The following TECPR2 variants were observed in gnomAD, a reference collection of about 807,000 sequenced individuals.
The protein encoded by TECPR2 is tectonin beta-propeller repeat containing 2.
Under a neutral mutation model 138.1 loss-of-function variants are expected in TECPR2, and 65 were observed. That is an observed-to-expected ratio of 0.47 (90% confidence interval 0.39 to 0.58). The LOEUF is 0.58. TECPR2 is among the 20% of genes least tolerant of loss of function. The pLI is 0.00. For missense variants in TECPR2, 1,553 were observed against 1,824.5 expected (o/e 0.85, Z 2.71); for synonymous variants, 746 against 749.8 (o/e 0.99, Z 0.08).
At chr14:102,492,563 T>A (rs1891181996) in intron 17 of TECPR2, among the ~76,000 whole-genome samples, 1 of 152,236 alleles carries the variant, frequency 6.6e-6, no homozygotes, top group African/African-American at 2.4e-5. Flanking sequence ...CGCAGAATGT[T>A]TCTGAGGGAA....
At chr14:102,479,195 C>G (rs1160471582) in intron 17 of TECPR2, among the ~76,000 whole-genome samples, 1 of 152,114 alleles carries the variant, frequency 6.6e-6, no homozygotes, top group Non-Finnish European at 1.5e-5. Context: ...AGTGTTTGAA[C>G]TTGGACTTGA....
At position 102,443,024 on chromosome 14, in the gene TECPR2, AT is replaced by A. The variant is rs1231912300; in HGVS notation, c.2753-619del. ...TTTCATCTGGGAAATTCGGGGTTTC[AT>A]TTTATTAGTGGAACCTCGCACCCAG... On this transcript the variant is annotated intron_variant, in intron 11 of 19. Transcript: ENST00000359520. This position sits in a 1 kb window ranked among gnomAD's most constrained non-coding sequence, Gnocchi z 4.9. Among the ~76,000 whole-genome samples, 1 of 152,216 alleles carries A rather than the reference AT, an allele frequency of 6.6e-6. No homozygotes were observed. The highest frequency in any genetic ancestry group is 1.9e-4 in the East Asian group (1 of 5,196).
chr14:102,417,097 A>G (rs1163069880), intron 5 of TECPR2, among the ~76,000 whole-genome samples: 1 of 152,230 alleles, frequency 6.6e-6, no homozygotes, highest in Non-Finnish European at 1.5e-5. Context: ...TCAAGTCTTT[A>G]GGGAACATTG....
intron 7 of TECPR2, among the ~76,000 whole-genome samples, chr14:102,431,417 A>C (rs1889471226): frequency 7.1e-6 from 1 of 140,698 alleles, no homozygotes; most frequent in Non-Finnish European, 1.5e-5. Flanking sequence ...ATCTCGGCTC[A>C]CTGCAAGCTT....
Position 102,365,507 on chromosome 14 carries a change from G to GA in TECPR2, c.-73+2391_-73+2392insA, listed in dbSNP as rs138431959. ...CTGATGGATGCACAAACAAAACGTG[G>GA]CCTGTCTACACAATGGAAGGCTGTT... On this transcript the variant is annotated intron_variant, in intron 1 of 19. Coordinates refer to ENST00000359520, the MANE Select transcript of TECPR2 (RefSeq NM_014844.5). 2.3e-3 allele frequency among the ~76,000 whole-genome samples: 347 copies of GA among 152,278 alleles called. 12 individuals are homozygous for GA. The East Asian group carries it at 0.047, about 21-fold the overall frequency.
intron 17 of TECPR2, among the ~76,000 whole-genome samples, chr14:102,480,783 G>A (rs1280990037): frequency 1.3e-5 from 2 of 150,804 alleles, no homozygotes; most frequent in African/African-American, 4.9e-5. Flanking sequence ...GCCTCCCAAA[G>A]TGCTGGGATT....
chr14:102,409,153 G>A (rs1051372714), intron 4 of TECPR2, among the ~76,000 whole-genome samples: 2 of 152,130 alleles, frequency 1.3e-5, no homozygotes, highest in African/African-American at 4.8e-5. Flanking sequence ...TTCGACGCCC[G>A]TGCCTTTTCC....
intron 16 of TECPR2, among the ~76,000 whole-genome samples, chr14:102,460,496 C>T (rs1020185407): frequency 5.3e-5 from 8 of 151,354 alleles, no homozygotes; most frequent in South Asian, 4.2e-4. Flanking sequence ...TGTCTGTAAT[C>T]CCAGCTACTT....
In TECPR2 at chr14:102,434,745, C is replaced by G; in HGVS notation, c.1928C>G (p.Pro643Arg). The G allele has an allele frequency of 6.2e-7, 1 of 1,613,612 alleles. No homozygotes were observed. The part of the protein sequence containing the change: ...IGPQSTFCEV[P>R]LLNSLTVPSS... The stretch of plus-strand genomic sequence containing the variant: ...CCCCAAAGCACTTTTTGTGAAGTCC[C>G]CCTCCTGAACTCACTCACTGTGCCT... Residue 643 changes from proline (P) to arginine (R), a missense_variant, in exon 9 of 20, where the codon CCC (proline) becomes CGC (arginine). Pro to Arg is a moderately radical substitution (Grantham distance 103). Transcript: ENST00000359520.
At position 102,484,438 on chromosome 14, in the gene TECPR2, G is replaced by A. The variant is rs1032920177; in HGVS notation, c.3790-12541G>A. Among the ~76,000 whole-genome samples the A allele has an allele frequency of 1.6e-4, 25 of 152,164 alleles. 1 individual carries two copies. The highest frequency in any genetic ancestry group is 3.2e-4 in the Non-Finnish European group (22 of 68,036). On this transcript the variant is annotated intron_variant, in intron 17 of 19. Coordinates refer to ENST00000359520, the MANE Select transcript of TECPR2 (RefSeq NM_014844.5). Reference sequence around the variant, plus strand: ...TTCAGATGTTGGCAGTCCCCTGGTTGGAAGAGTGAGGCCCAGCAAGGCTGA... The same window carrying A: ...TTCAGATGTTGGCAGTCCCCTGGTTAGAAGAGTGAGGCCCAGCAAGGCTGA...
Position 102,438,155 on chromosome 14 carries a change from G to C in TECPR2, c.2528G>C (p.Arg843Pro), listed in dbSNP as rs765981384. The change falls in exon 10 of 20, where the codon CGC (arginine) becomes CCC (proline). Residue 843 changes from arginine to proline, a missense_variant. By Grantham distance (103) the Arg-to-Pro change is moderately radical (BLOSUM62 -2). Coordinates refer to ENST00000359520, the MANE Select transcript of TECPR2 (RefSeq NM_014844.5). ...FCSALPGAGL[R>P]WQKFEDAVQQ... ...AGCGCGTTGCCGGGCGCCGGGCTGC[G>C]CTGGCAGAAGTTTGAAGATGCTGTC... The C allele has an allele frequency of 6.2e-7, 1 of 1,613,226 alleles. No individual in the cohort carries two copies. Among genetic ancestry groups the C allele is most frequent in the South Asian group, 1.1e-5 (1 of 91,084 alleles).
intron 2 of TECPR2, among the ~76,000 whole-genome samples, chr14:102,381,489 G>A (rs758483638): frequency 9.2e-5 from 14 of 152,208 alleles, no homozygotes; most frequent in African/African-American, 2.4e-4. Context: ...CATGAGAATC[G>A]CTTGAATCTG....
Position 102,430,994 on chromosome 14 carries a change from G to A in TECPR2, c.1085-802G>A, listed in dbSNP as rs919940836. ...TTGTAAATAATTTGTAAATTGAAGC[G>A]AGAAATGCTGTATTCTTAGTATTTT... On this transcript the variant is annotated intron_variant, in intron 7 of 19. Coordinates refer to ENST00000359520, the MANE Select transcript of TECPR2 (RefSeq NM_014844.5). 4.0e-5 allele frequency among the ~76,000 whole-genome samples: 6 copies of A among 151,144 alleles called. No homozygotes were observed. The East Asian group carries it at 1.2e-3, about 29-fold the overall frequency.
intron 7 of TECPR2, among the ~76,000 whole-genome samples, chr14:102,431,476 G>A (rs1889473810): frequency 1.3e-5 from 2 of 151,572 alleles, no homozygotes; most frequent in South Asian, 4.2e-4. Flanking sequence ...CCAAGTAGCT[G>A]GGACCCCCGG....
chr14:102,363,587 G>A (rs1341541160), intron 1 of TECPR2, among the ~76,000 whole-genome samples: 1 of 152,270 alleles, frequency 6.6e-6, no homozygotes, highest in Admixed American at 6.5e-5. Context: ...TGTTCGATGA[G>A]TGGATAAGTG....
chr14:102,423,825 G>T (rs892048206), intron 5 of TECPR2, among the ~76,000 whole-genome samples: 1 of 152,100 alleles, frequency 6.6e-6, no homozygotes, highest in Non-Finnish European at 1.5e-5. Flanking sequence ...GCCTCTGATG[G>T]GTTTAGAGAA....
Position 102,434,894 on chromosome 14 carries a change from C to T in TECPR2, c.2077C>T (p.Leu693Phe). Residue 693 changes from leucine to phenylalanine, a missense_variant, in exon 9 of 20, where the codon CTC (leucine) becomes TTC (phenylalanine). Coordinates refer to ENST00000359520, the MANE Select transcript of TECPR2 (RefSeq NM_014844.5). ...ILTSMEASGH[L>F]STNLWHAVTD... ...AACCAGCATGGAGGCCTCTGGCCAC[C>T]TCAGCACAAATCTCTGGCATGCTGT... 6.2e-7 allele frequency: 1 copy of T among 1,613,770 alleles called. No homozygotes were observed. The highest frequency in any genetic ancestry group is 1.3e-5 in the African/African-American group (1 of 75,068).
chr14:102,443,645 A>T lies in TECPR2; in HGVS notation c.2753-2A>T. The T allele has an allele frequency of 6.4e-7, 1 of 1,558,200 alleles. No homozygotes were observed. The highest frequency in any genetic ancestry group is 8.8e-7 in the Non-Finnish European group (1 of 1,141,004). On this transcript the variant is annotated splice_acceptor_variant, in intron 11 of 19. Transcript: ENST00000359520. LOFTEE classifies it high-confidence loss of function. The surrounding 1 kb of genome is among the most constrained non-coding windows in gnomAD (Gnocchi z 4.9). ...TGGGGCTTCTTCCCATCTTCCTGGCAGGTCTGAGCGTGGATCGCCCTTGTG... is the reference window on the plus strand; with the variant it reads ...TGGGGCTTCTTCCCATCTTCCTGGCTGGTCTGAGCGTGGATCGCCCTTGTG...
intron 5 of TECPR2, among the ~76,000 whole-genome samples, chr14:102,421,545 C>T (rs1319647953): frequency 6.6e-6 from 1 of 152,100 alleles, no homozygotes; most frequent in Non-Finnish European, 1.5e-5. Context: ...TGGGGGTGGC[C>T]TCTAGGGTTG....
Sources: allele counts gnomAD v4.1 joint callset (sites outside exome capture counted in the v4.1 genomes callset), GRCh38; gene constraint gnomAD v4.1.1; non-coding constraint Gnocchi (gnomAD v3.1); transcripts MANE v1.5; gene names NCBI Gene and HGNC (gene_info 2026-07-23, HGNC 2026-07-21).